The following GANAB variants were observed in gnomAD, a reference collection of about 807,000 sequenced individuals.
GANAB encodes the protein glucosidase II alpha subunit, also known as neutral alpha-glucosidase AB.
Under a neutral mutation model 129.9 loss-of-function variants are expected in GANAB, and 35 were observed. The observed-to-expected ratio is 0.27, with a 90% CI of 0.21 to 0.36. The LOEUF is 0.36. Among genes scored for constraint, GANAB ranks in the 10% least tolerant of loss-of-function variants. The pLI is 1.00. For missense variants in GANAB, 939 were observed against 1,221.0 expected, an observed-to-expected ratio of 0.77 and a Z score of 3.44; for synonymous variants, 482 against 451.8, an observed-to-expected ratio of 1.07 and a Z score of -0.85.
In GANAB at chr11:62,628,981, C is replaced by T. The variant is rs962738612; in HGVS notation, c.1968G>A (p.Glu656=). 3.7e-6 allele frequency: 6 copies of T among 1,613,482 alleles called. No individual in the cohort carries two copies. The highest frequency in any genetic ancestry group is 4.2e-6 in the Non-Finnish European group (5 of 1,179,464). ...ADVGGFFKNP[E]PELLVRWYQM... is the part of the protein sequence containing the mutation. ...GGTACCAGCGCACAAGCAGCTCTGG[C>T]TCTGGGTTTTTGAAGAAGCCACCCA... Residue 656 remains glutamate, a synonymous_variant, in exon 17 of 24, where the codon GAG becomes GAA. Coordinates refer to ENST00000356638, the MANE Select transcript of GANAB (RefSeq NM_198334.3).
In GANAB at chr11:62,634,811, C is replaced by G. The variant is rs1204682518; in HGVS notation, c.560+10G>C. 1 of 1,610,246 alleles carries G rather than the reference C, an allele frequency of 6.2e-7. No individual in the cohort carries two copies. Among genetic ancestry groups the G allele is most frequent in the African/African-American group, 1.3e-5 (1 of 74,956 alleles). ...ACTAGGTTCCCTGCAGTCCCAACCC[C>G]TGTACTCACGAGACCCTAGGGGCCC... On this transcript the variant is annotated intron_variant, in intron 5 of 23. Transcript: ENST00000356638.
At chr11:62,638,444 T>C (rs936236997) in intron 4 of GANAB, among the ~76,000 whole-genome samples, 3 of 152,096 alleles carry the variant, frequency 2.0e-5, no homozygotes, top group South Asian at 2.1e-4. Context: ...TGAGCCACCA[T>C]GCCCGGCCAC....
intron 1 of GANAB, among the ~76,000 whole-genome samples, chr11:62,645,443 G>T (rs1027636747): frequency 6.6e-6 from 1 of 151,662 alleles, no homozygotes; most frequent in Non-Finnish European, 1.5e-5. Context: ...GGCTGAGGCA[G>T]GAGAATGGCG....
intron 1 of GANAB, among the ~76,000 whole-genome samples, chr11:62,645,187 G>A (rs1029528631): frequency 3.9e-5 from 6 of 152,138 alleles, no homozygotes; most frequent in African/African-American, 1.4e-4. Context: ...GACTGCAACA[G>A]GCACTCTTGG....
intron 1 of GANAB, 40 bp downstream of exon 1, chr11:62,646,522 G>A: frequency 6.2e-7 from 1 of 1,608,346 alleles, no homozygotes; most frequent in Non-Finnish European, 8.5e-7. Flanking sequence ...GGGGGATCTG[G>A]GGGCGTCCCG....
chr11:62,637,154 A>G (rs1943982050), intron 4 of GANAB, among the ~76,000 whole-genome samples: 1 of 152,236 alleles, frequency 6.6e-6, no homozygotes. Context: ...AAATGTAATA[A>G]CATATCCTGG....
intron 17 of GANAB, among the ~76,000 whole-genome samples, chr11:62,627,664 G>A (rs528906014): frequency 2.0e-5 from 3 of 152,188 alleles, no homozygotes; most frequent in African/African-American, 4.8e-5. Flanking sequence ...CCCGGGAGGC[G>A]GAGTGCATTC....
chr11:62,632,209 G>A (rs1014919905), intron 9 of GANAB, among the ~76,000 whole-genome samples: 14 of 150,714 alleles, frequency 9.3e-5, no homozygotes, highest in Non-Finnish European at 1.8e-4. Flanking sequence ...TCTGACCTCA[G>A]GTGATCCGCC....
At chr11:62,640,228 CAAAAAAAAAAA>C (rs869051826) in intron 1 of GANAB, among the ~76,000 whole-genome samples, 9 of 28,020 alleles carry the variant, frequency 3.2e-4, no homozygotes, top group African/African-American at 1.7e-3. Flanking sequence ...CAGAGCTAGA[CAAAAAAAAAAA>C]AAAAAAAAAA....
In GANAB at chr11:62,633,059, T is replaced by G. The variant is rs1418229131; in HGVS notation, c.761A>C (p.Glu254Ala). ...VGLDFSLPGMEHVYGIPEHAD... is the reference protein window; with the variant it reads ...VGLDFSLPGMAHVYGIPEHAD... ...ATGCTCAGGGATCCCATAGACATGC[T>G]CCATGCCTGGCAGAGAGAAGTCCAA... The change falls in exon 8 of 24, where the codon GAG (glutamate) becomes GCG (alanine). Residue 254 changes from glutamate (E) to alanine (A), a missense_variant. By Grantham distance (107) the Glu-to-Ala change is moderately radical (BLOSUM62 -1). Transcript: ENST00000356638. 1 of 1,612,254 alleles carries G rather than the reference T, an allele frequency of 6.2e-7. No homozygotes were observed. Among genetic ancestry groups the G allele is most frequent in the South Asian group, 1.1e-5 (1 of 91,036 alleles).
Position 62,632,645 on chromosome 11 carries a change from T to C in GANAB, c.916A>G (p.Asn306Asp). The C allele has an allele frequency of 1.9e-6, 3 of 1,613,964 alleles. No individual in the cohort carries two copies. Among genetic ancestry groups the C allele is most frequent in the Non-Finnish European group, 2.5e-6 (3 of 1,179,856 alleles). ...AAGATGCCCAAGTCGCGATGAGGGT[T>C]GTGTGCCAGGAGCACAGGCACAGAC... ...YGSVPVLLAH[N>D]PHRDLGIFWL... The change falls in exon 9 of 24, where the codon AAC (asparagine) becomes GAC (aspartate). Residue 306 changes from asparagine to aspartate, a missense_variant. This residue lies in a region of GANAB where 220 missense variants were observed against 295.9 expected (regional missense o/e 0.74). Transcript: ENST00000356638.
At position 62,625,503 on chromosome 11, in the gene GANAB, G is replaced by A. The variant is rs1943324635; in HGVS notation, c.*312C>T. ...GGGAGTTCAGGGCTCCTAAATAAGG[G>A]AAAGAGAAGGGGCGACAAGGGCCCT... On this transcript the variant is annotated 3_prime_UTR_variant, in exon 24 of 24. Coordinates refer to ENST00000356638, the MANE Select transcript of GANAB (RefSeq NM_198334.3). 2.3e-6 allele frequency: 1 copy of A among 429,412 alleles called. No individual in the cohort carries two copies. The highest frequency in any genetic ancestry group is 4.4e-6 in the Non-Finnish European group (1 of 228,720). The allele number at this position is 429,412 out of a possible 1,614,324, so 26.6% of individuals were successfully genotyped here.
intron 4 of GANAB, among the ~76,000 whole-genome samples, chr11:62,637,240 A>ATCAC (rs1486431175): frequency 6.6e-6 from 1 of 152,216 alleles, no homozygotes; most frequent in Non-Finnish European, 1.5e-5. Flanking sequence ...TAACTAATGT[A>ATCAC]TCACTATCAA....
chr11:62,629,715 G>C (rs1262191392), intron 14 of GANAB, 31 bp from the exon 15 acceptor site: 4 of 1,605,114 alleles, frequency 2.5e-6, no homozygotes, highest in Non-Finnish European at 3.4e-6. Flanking sequence ...CGGGTAGTGA[G>C]GAGCAAAAGC....
Position 62,625,268 on chromosome 11 carries a change from C to T in GANAB, c.*547G>A. ...AAAAGGATGTTCTTTAGCAACCTCACTCCTTTGATCCATTCATCCTGTCCG... is the reference window on the plus strand; with the variant it reads ...AAAAGGATGTTCTTTAGCAACCTCATTCCTTTGATCCATTCATCCTGTCCG... On this transcript the variant is annotated 3_prime_UTR_variant, in exon 24 of 24. Transcript: ENST00000356638. 2.2e-6 allele frequency: 1 copy of T among 456,024 alleles called. No individual in the cohort carries two copies. The highest frequency in any genetic ancestry group is 4.4e-6 in the Non-Finnish European group (1 of 226,800). The allele number at this position is 456,024 out of a possible 1,614,324, so 28.2% of individuals were successfully genotyped here. A position where few individuals can be genotyped will look rare whatever the true frequency, so the allele number is the denominator to read the frequency against.
chr11:62,639,720 G>C lies in GANAB; in HGVS notation c.50C>G (p.Ser17Cys), dbSNP rs762882461. 6.2e-7 allele frequency: 1 copy of C among 1,612,788 alleles called. No individual in the cohort carries two copies. The highest frequency in any genetic ancestry group is 1.7e-5 in the Admixed American group (1 of 59,996). The change falls in exon 2 of 24, where the codon TCT (serine) becomes TGT (cysteine). Residue 17 changes from serine (S) to cysteine (C), a missense_variant. This residue lies in a region of GANAB where 321 missense variants were observed against 329.1 expected (regional missense o/e 0.98). Transcript: ENST00000356638. ...VAARRRRSWASLVLAFLGVCL... is the reference protein window; with the variant it reads ...VAARRRRSWACLVLAFLGVCL... Reference sequence around the variant, plus strand: ...GACCCCTAAAAAAGCCAGTACCAAAGACGCCCAAGACCTAAGGAGAAAAGG... The same window carrying C: ...GACCCCTAAAAAAGCCAGTACCAAACACGCCCAAGACCTAAGGAGAAAAGG...
chr11:62,627,220 C>T, intron 18 of GANAB, 69 bp downstream of exon 18: 1 of 1,384,764 alleles, frequency 7.2e-7, no homozygotes, highest in South Asian at 1.2e-5. Context: ...CTTCACTAGT[C>T]CCTCCCTGGG....
At position 62,639,620 on chromosome 11, in the gene GANAB, A is replaced by G. The variant is rs751984278; in HGVS notation, c.143+7T>C. 7 of 1,592,644 alleles carry G rather than the reference A, an allele frequency of 4.4e-6. No homozygotes were observed. Among genetic ancestry groups the G allele is most frequent in the Non-Finnish European group, 6.0e-6 (7 of 1,160,598 alleles). ...CATTCCATCCCTCTCCCCCAGAAAT[A>G]TCATACTTGCAGAAAGAACTCTCTT... On this transcript the variant is annotated splice_region_variant and intron_variant, in intron 2 of 23. Coordinates refer to ENST00000356638, the MANE Select transcript of GANAB (RefSeq NM_198334.3).
At chr11:62,628,675 T>C in intron 17 of GANAB, 94 bp downstream of exon 17, 3 of 1,270,258 alleles carry the variant, frequency 2.4e-6, no homozygotes, top group Admixed American at 1.8e-5. Flanking sequence ...TACAAGGCTG[T>C]AGTGAGTGAA....
Sources: gnomAD v4.1 joint callset for allele counts (sites outside exome capture counted in the v4.1 genomes callset) on GRCh38, gnomAD v4.1.1 for gene constraint, gnomAD v4.1.1 regional missense constraint, MANE v1.5 for transcripts, NCBI Gene and HGNC (gene_info 2026-07-23, HGNC 2026-07-21) for gene names.